The following HECTD2 variants were observed in gnomAD, a reference collection of about 807,000 sequenced individuals.
HECTD2 encodes probable E3 ubiquitin-protein ligase HECTD2.
HECTD2 carries 35 observed loss-of-function variants against 103.2 expected under a neutral mutation model. The ratio of observed to expected loss-of-function variants is 0.34; its 90% CI spans 0.26 to 0.45. The LOEUF (loss-of-function observed/expected upper bound fraction) is 0.45. HECTD2 is among the 20% of genes least tolerant of loss of function. HECTD2 has a pLI of 1.00. For missense variants in HECTD2, 596 were observed against 937.4 expected, an observed-to-expected ratio of 0.64 and a Z score of 4.76; for synonymous variants, 281 against 329.9, an observed-to-expected ratio of 0.85 and a Z score of 1.61.
chr10:91,492,316 C>T (rs1357068217), intron 12 of HECTD2, 36 bp from the exon 13 acceptor site: 8 of 1,587,374 alleles, frequency 5.0e-6, no homozygotes, highest in South Asian at 2.3e-5. Context: ...TTTCACTGCT[C>T]TTTGTTCTCC....
chr10:91,503,932 G>C (rs1162073272), intron 20 of HECTD2, among the ~76,000 whole-genome samples: 3 of 152,202 alleles, frequency 2.0e-5, no homozygotes, highest in Non-Finnish European at 4.4e-5. Flanking sequence ...GGAGATCTGA[G>C]AACAGGCAGA....
chr10:91,465,218 G>A (rs1486753098), intron 5 of HECTD2, among the ~76,000 whole-genome samples: 4 of 152,166 alleles, frequency 2.6e-5, no homozygotes, highest in African/African-American at 9.7e-5. Flanking sequence ...TTAGAAAAGG[G>A]AGATATAAAT....
At chr10:91,453,447 T>C (rs2133166694) in intron 2 of HECTD2, among the ~76,000 whole-genome samples, 1 of 152,034 alleles carries the variant, frequency 6.6e-6, no homozygotes, top group East Asian at 1.9e-4. Flanking sequence ...AAAAAGAAAA[T>C]TATAAACAGG....
At chr10:91,488,777 CATCTT>C (rs1303800572) in intron 11 of HECTD2, 35 of 152,216 alleles carry the variant, frequency 2.3e-4, no homozygotes, top group African/African-American at 8.2e-4. Context: ...ATCCCAAAGT[CATCTT>C]ATACTGAATA....
intron 14 of HECTD2, among the ~76,000 whole-genome samples, chr10:91,494,614 T>C (rs1846599293): frequency 6.6e-6 from 1 of 152,058 alleles, no homozygotes; most frequent in African/African-American, 2.4e-5. Context: ...ATTAAGATAG[T>C]AAACTCAACT....
chr10:91,504,702 T>C (rs1426120807), intron 20 of HECTD2, among the ~76,000 whole-genome samples: 2 of 151,774 alleles, frequency 1.3e-5, no homozygotes, highest in Non-Finnish European at 2.9e-5. Context: ...GAAAACACTC[T>C]GCAGGATATT....
At chr10:91,481,868 C>A (rs1041818354) in intron 7 of HECTD2, among the ~76,000 whole-genome samples, 1 of 150,710 alleles carries the variant, frequency 6.6e-6, no homozygotes, top group Admixed American at 6.6e-5. Context: ...GTGTTTAGTA[C>A]AATATTATGA....
At chr10:91,417,250 T>C (rs1207633192) in intron 1 of HECTD2, among the ~76,000 whole-genome samples, 3 of 152,214 alleles carry the variant, frequency 2.0e-5, no homozygotes, top group African/African-American at 7.2e-5. Context: ...TAAGTTGATA[T>C]TTGTAACTTG....
chr10:91,491,786 T>A (rs1846489899), intron 12 of HECTD2, among the ~76,000 whole-genome samples: 1 of 152,234 alleles, frequency 6.6e-6, no homozygotes, highest in South Asian at 2.1e-4. Flanking sequence ...ATGCTTCAGC[T>A]AGATCTTAAT....
chr10:91,467,036 A>G (rs976744908), intron 5 of HECTD2, among the ~76,000 whole-genome samples: 12 of 151,934 alleles, frequency 7.9e-5, no homozygotes, highest in Non-Finnish European at 1.3e-4. Context: ...GAGGGAAGGC[A>G]TTGAGATTGG....
At chr10:91,429,089 G>C (rs554170984) in intron 2 of HECTD2, among the ~76,000 whole-genome samples, 28 of 151,714 alleles carry the variant, frequency 1.8e-4, no homozygotes, top group East Asian at 1.7e-3. Context: ...TAGCATGAAG[G>C]GTTGTTGAAT....
intron 3 of HECTD2, 59 bp from the exon 4 acceptor site, chr10:91,461,195 A>G (rs1052350903): frequency 1.4e-6 from 1 of 732,792 alleles, no homozygotes; most frequent in Admixed American, 2.8e-5. Context: ...AAAAAGTAAT[A>G]CTAGTTTATC....
At chr10:91,467,323 C>T (rs1410930303) in intron 5 of HECTD2, among the ~76,000 whole-genome samples, 1 of 152,156 alleles carries the variant, frequency 6.6e-6, no homozygotes, top group African/African-American at 2.4e-5. Context: ...GGTATGGGAA[C>T]ATCTGCAGTG....
At chr10:91,494,808 A>G (rs1236363377) in intron 14 of HECTD2, among the ~76,000 whole-genome samples, 1 of 152,016 alleles carries the variant, frequency 6.6e-6, no homozygotes, top group African/African-American at 2.4e-5. Flanking sequence ...TGAGCTATTT[A>G]TATGTTCATA....
At chr10:91,478,766 A>T (rs1845993943) in intron 6 of HECTD2, among the ~76,000 whole-genome samples, 1 of 151,918 alleles carries the variant, frequency 6.6e-6, no homozygotes, top group African/African-American at 2.4e-5. Flanking sequence ...AATATGCATA[A>T]TATAAAAATG....
intron 1 of HECTD2, among the ~76,000 whole-genome samples, chr10:91,416,121 A>G (rs1843117240): frequency 6.6e-6 from 1 of 152,160 alleles, no homozygotes. Flanking sequence ...CAAATAATTT[A>G]TAACTATATT....
intron 20 of HECTD2, among the ~76,000 whole-genome samples, chr10:91,508,930 A>G (rs2133386685): frequency 1.3e-5 from 2 of 152,054 alleles, no homozygotes; most frequent in African/African-American, 4.8e-5. Flanking sequence ...TACACCATGG[A>G]ATACTATGCA....
At chr10:91,512,195 T>TAA (rs911989743) in intron 20 of HECTD2, 69 bp from the exon 21 acceptor site, 1 of 1,517,158 alleles carries the variant, frequency 6.6e-7, no homozygotes, top group Non-Finnish European at 9.0e-7. Flanking sequence ...TGGTATTTTT[T>TAA]AAAGTTGCAT....
At chr10:91,424,415 A>G (rs887797780) in intron 1 of HECTD2, among the ~76,000 whole-genome samples, 2 of 151,516 alleles carry the variant, frequency 1.3e-5, no homozygotes, top group African/African-American at 4.9e-5. Flanking sequence ...CTACTGTGAA[A>G]GTGAAGACGT....
Sources: allele counts gnomAD v4.1 joint callset (sites outside exome capture counted in the v4.1 genomes callset), GRCh38; gene constraint gnomAD v4.1.1; transcripts MANE v1.5; gene names NCBI Gene and HGNC (gene_info 2026-07-23, HGNC 2026-07-21).